The following ZNRF1 variants were observed in gnomAD, a reference collection of about 807,000 sequenced individuals.
ZNRF1 encodes the protein zinc and ring finger 1.
A neutral mutation model predicts 18.4 loss-of-function variants in ZNRF1; 3 were observed. The observed-to-expected ratio is 0.16, with a 90% CI of 0.07 to 0.42. The LOEUF is 0.42. Among genes scored for constraint, ZNRF1 ranks in the 10% least tolerant of loss-of-function variants. ZNRF1 has a pLI of 0.99. For synonymous variants in ZNRF1, 157 were observed against 144.2 expected, an observed-to-expected ratio of 1.09 and a Z score of -0.64; for missense variants, 310 against 329.8, an observed-to-expected ratio of 0.94 and a Z score of 0.47.
intron 1 of ZNRF1, among the ~76,000 whole-genome samples, chr16:75,008,717 T>C (rs987777604): frequency 1.3e-5 from 2 of 152,226 alleles, no homozygotes; most frequent in Admixed American, 1.3e-4. Context: ...AACTTATTCT[T>C]TCCAAGAATC....
chr16:75,045,871 C>T (rs372847026), intron 1 of ZNRF1, among the ~76,000 whole-genome samples: 1 of 151,464 alleles, frequency 6.6e-6, no homozygotes, highest in African/African-American at 2.4e-5. Context: ...CACTGTGTCC[C>T]GCTGTCATTT....
chr16:75,055,222 G>A (rs980334366), intron 1 of ZNRF1, among the ~76,000 whole-genome samples: 1 of 152,172 alleles, frequency 6.6e-6, no homozygotes, highest in Admixed American at 6.5e-5. Flanking sequence ...TAAAGGAACT[G>A]TTTCTCAGGT....
chr16:75,080,895 C>T (rs767751321), intron 1 of ZNRF1, among the ~76,000 whole-genome samples: 6 of 151,206 alleles, frequency 4.0e-5, no homozygotes, highest in Non-Finnish European at 5.9e-5. Context: ...AAATGAGGGC[C>T]GGGTGCAGTG....
At chr16:75,052,751 G>A (rs1391820249) in intron 1 of ZNRF1, among the ~76,000 whole-genome samples, 1 of 152,184 alleles carries the variant, frequency 6.6e-6, no homozygotes, top group Non-Finnish European at 1.5e-5. Context: ...AGCCAACATT[G>A]TCTATATTGC....
Position 75,067,685 on chromosome 16 carries a change from G to C in ZNRF1, c.425-25887G>C, listed in dbSNP as rs2145396005. Among the ~76,000 whole-genome samples the C allele has an allele frequency of 2.0e-5, 3 of 152,154 alleles. No homozygotes were observed. In the South Asian group the frequency reaches 6.2e-4, roughly 32 times the overall value. On this transcript the variant is annotated intron_variant, in intron 1 of 4. Coordinates refer to ENST00000335325, the MANE Select transcript of ZNRF1 (RefSeq NM_032268.5). ...TACGGGAATTTAATATACGATAAAG[G>C]GGCACCATGAATCAATGGGAGAAGG... is the stretch of plus-strand genomic sequence containing the variant.
intron 1 of ZNRF1, among the ~76,000 whole-genome samples, chr16:75,021,716 TTAA>T (rs1234956866): frequency 4.6e-5 from 7 of 152,188 alleles, no homozygotes; most frequent in South Asian, 4.1e-4. Flanking sequence ...ACTCTTAGAG[TTAA>T]TGTTTTTTTC....
chr16:75,093,384 CAAAA>C (rs574718849), intron 1 of ZNRF1, among the ~76,000 whole-genome samples, 184 bp from the exon 2 acceptor site: 1 of 67,908 alleles, frequency 1.5e-5, no homozygotes, highest in Admixed American at 1.6e-4. Context: ...GACTTCGTCT[CAAAA>C]AAAAAAAAAA....
At chr16:75,095,778 G>GAACT in intron 2 of ZNRF1, 1 of 1,489,522 alleles carries the variant, frequency 6.7e-7, no homozygotes, top group African/African-American at 1.4e-5. Flanking sequence ...CTCTGCCAGA[G>GAACT]AACTGCCTGG....
intron 1 of ZNRF1, among the ~76,000 whole-genome samples, chr16:75,028,452 C>G (rs967479797): frequency 2.0e-5 from 3 of 152,170 alleles, no homozygotes; most frequent in Non-Finnish European, 4.4e-5. Context: ...TGCCATCACA[C>G]CTGGCTAATT....
intron 1 of ZNRF1, among the ~76,000 whole-genome samples, chr16:75,014,682 ATGTGTG>A (rs1310175273): frequency 6.6e-6 from 1 of 152,134 alleles, no homozygotes; most frequent in Non-Finnish European, 1.5e-5. Context: ...GCATGCGTGC[ATGTGTG>A]TGTATCTTCA....
At chr16:75,102,851 G>GT (rs1567496435) in intron 2 of ZNRF1, among the ~76,000 whole-genome samples, 1 of 152,162 alleles carries the variant, frequency 6.6e-6, no homozygotes, top group Non-Finnish European at 1.5e-5. Flanking sequence ...GGCACCTGCT[G>GT]TGTGTCCCGC....
intron 1 of ZNRF1, among the ~76,000 whole-genome samples, chr16:75,002,734 C>T (rs1052144284): frequency 6.6e-6 from 1 of 152,210 alleles, no homozygotes; most frequent in Non-Finnish European, 1.5e-5. Context: ...TCCAGCCTTG[C>T]TCCGCAAATC....
At chr16:75,097,137 A>G (rs1455248867) in intron 2 of ZNRF1, among the ~76,000 whole-genome samples, 1 of 152,160 alleles carries the variant, frequency 6.6e-6, no homozygotes, top group Admixed American at 6.5e-5. Context: ...CTCCCTTTCT[A>G]ACATCTCTGT....
chr16:75,003,057 A>G (rs548552841), intron 1 of ZNRF1, among the ~76,000 whole-genome samples: 2 of 152,250 alleles, frequency 1.3e-5, no homozygotes, highest in African/African-American at 4.8e-5. Flanking sequence ...GGGTTCAAGC[A>G]ATTCTCCTGC....
At chr16:75,040,696 T>TTC (rs2035436301) in intron 1 of ZNRF1, among the ~76,000 whole-genome samples, 1 of 137,642 alleles carries the variant, frequency 7.3e-6, no homozygotes, top group Non-Finnish European at 1.5e-5. Context: ...AACCTCTGCC[T>TTC]CCTGGGTCCA....
At chr16:75,057,246 A>C (rs903214317) in intron 1 of ZNRF1, among the ~76,000 whole-genome samples, 1 of 152,186 alleles carries the variant, frequency 6.6e-6, no homozygotes, top group African/African-American at 2.4e-5. Flanking sequence ...TTGCTTATTC[A>C]TGCCAGATTT....
intron 1 of ZNRF1, among the ~76,000 whole-genome samples, chr16:75,072,919 G>C (rs2035887253): frequency 6.6e-6 from 1 of 152,170 alleles, no homozygotes; most frequent in Non-Finnish European, 1.5e-5. Flanking sequence ...ATACTGTGTT[G>C]GTGTAGTGAT....
rs2036336951 is a variant in ZNRF1 at position 75,107,895 on chromosome 16, GAAGA to G, written c.*197_*200del. On this transcript the variant is annotated 3_prime_UTR_variant, in exon 5 of 5. Transcript: ENST00000335325. Reference sequence around the variant, plus strand: ...AAATTGGATGAGAGCAAGTTTGAGAGAAGAATGAATCAACTGCTATCCTTCCCCT... The same window carrying G: ...AAATTGGATGAGAGCAAGTTTGAGAGATGAATCAACTGCTATCCTTCCCCT... The G allele has an allele frequency of 4.6e-6, 2 of 433,252 alleles. No homozygotes were observed. Among genetic ancestry groups the G allele is most frequent in the Non-Finnish European group, 9.5e-6 (2 of 211,396 alleles). The allele number at this position is 433,252 out of a possible 1,614,324, so 26.8% of individuals were successfully genotyped here. A position where few individuals can be genotyped will look rare whatever the true frequency, so the allele number is the denominator to read the frequency against.
chr16:75,032,541 C>A (rs1197280604), intron 1 of ZNRF1, among the ~76,000 whole-genome samples: 2 of 151,454 alleles, frequency 1.3e-5, no homozygotes, highest in Non-Finnish European at 1.5e-5. Flanking sequence ...TCTCAAAAAA[C>A]AAACAAACAA....
Sources: allele counts gnomAD v4.1 joint callset (sites outside exome capture counted in the v4.1 genomes callset), GRCh38; gene constraint gnomAD v4.1.1; transcripts MANE v1.5; gene names NCBI Gene and HGNC (gene_info 2026-07-23, HGNC 2026-07-21).